TMEFF2: variants seen among roughly 807,000 people sequenced by gnomAD.
TMEFF2 encodes the protein tomoregulin-2.
TMEFF2 carries 28 observed loss-of-function variants against 53.8 expected under a neutral mutation model. That is an observed-to-expected ratio of 0.52 (90% CI 0.39 to 0.71). The LOEUF is 0.71. Ranked by LOEUF, TMEFF2 falls within the 30% of genes least tolerant of loss-of-function variation. The pLI is 0.00. For missense variants in TMEFF2, 353 were observed against 455.2 expected (o/e 0.78, Z 2.04); for synonymous variants, 162 against 166.3 (o/e 0.97, Z 0.20).
chr2:192,003,891 G>C (rs1031791398), intron 5 of TMEFF2, among the ~76,000 whole-genome samples: 62 of 141,178 alleles, frequency 4.4e-4, no homozygotes, highest in African/African-American at 1.6e-3. Context: ...AGGTGGTTTT[G>C]TGTGTTTATA....
intron 2 of TMEFF2, among the ~76,000 whole-genome samples, chr2:192,187,462 C>A (rs1691342769): frequency 6.6e-6 from 1 of 152,148 alleles, no homozygotes; most frequent in Non-Finnish European, 1.5e-5. Flanking sequence ...CAGGCTAACC[C>A]TAAGCATGAA....
At chr2:191,974,493 T>C (rs1327088751) in intron 7 of TMEFF2, among the ~76,000 whole-genome samples, 2 of 152,088 alleles carry the variant, frequency 1.3e-5, no homozygotes, top group Admixed American at 6.6e-5. Flanking sequence ...TAAAAGCAAT[T>C]CACATTGATT....
chr2:191,997,618 C>T (rs1686254188), intron 7 of TMEFF2, among the ~76,000 whole-genome samples: 1 of 150,882 alleles, frequency 6.6e-6, no homozygotes. Flanking sequence ...AGTTGTATAC[C>T]CATGAATTAT....
At chr2:192,096,875 C>T (rs62180368) in intron 4 of TMEFF2, among the ~76,000 whole-genome samples, 9,785 of 151,706 alleles carry the variant, frequency 0.064, 801 homozygotes, top group East Asian at 0.4. Flanking sequence ...GGGGTTTCAC[C>T]ATGTTGGCCA....
intron 4 of TMEFF2, among the ~76,000 whole-genome samples, chr2:192,069,988 GTATATATATA>G (rs55800219): frequency 0.023 from 2,603 of 114,156 alleles, 35 homozygotes; most frequent in Non-Finnish European, 0.036. Context: ...GTGTGTGTGT[GTATATATATA>G]TATATATATA....
In TMEFF2 at chr2:192,194,283, G is replaced by A; in HGVS notation, c.172+70C>T. 6.4e-7 allele frequency: 1 copy of A among 1,571,352 alleles called. No homozygotes were observed. The highest frequency in any genetic ancestry group is 8.7e-7 in the Non-Finnish European group (1 of 1,150,284). ...GGGCTGAGGAGGCGCGCTAGGGTAG[G>A]CTGGTCTGTGCTGGATACGCGTGTT... is the stretch of plus-strand genomic sequence containing the variant. On this transcript the variant is annotated intron_variant, in intron 1 of 9. Transcript: ENST00000272771. The surrounding 1 kb of genome is among the most constrained non-coding windows in gnomAD (Gnocchi z 4.2).
At chr2:191,963,486 TG>T (rs1692329245) in intron 7 of TMEFF2, among the ~76,000 whole-genome samples, 1 of 152,188 alleles carries the variant, frequency 6.6e-6, no homozygotes. Flanking sequence ...GTAGGCTGCG[TG>T]TGCAGAAATG....
At chr2:192,149,540 C>A (rs976532983) in intron 4 of TMEFF2, among the ~76,000 whole-genome samples, 1 of 151,898 alleles carries the variant, frequency 6.6e-6, no homozygotes, top group Non-Finnish European at 1.5e-5. Flanking sequence ...GAGCTTTGAA[C>A]TCAGAACATG....
chr2:191,982,762 T>C (rs1304891702), intron 7 of TMEFF2, among the ~76,000 whole-genome samples: 1 of 152,188 alleles, frequency 6.6e-6, no homozygotes, highest in African/African-American at 2.4e-5. Context: ...AATATAATAT[T>C]ACTAGGCATT....
At position 192,057,073 on chromosome 2, in the gene TMEFF2, T is replaced by G. The variant is rs186982693; in HGVS notation, c.536+606A>C. Among the ~76,000 whole-genome samples, 222 of 152,326 alleles carry G rather than the reference T, an allele frequency of 1.5e-3. 2 individuals carry two copies. Among genetic ancestry groups the G allele is most frequent in the Admixed American group, 7.3e-3 (112 of 15,302 alleles). ...CTTTTAAAAATCTTGAGATAAAGTC[T>G]CACTCTGTGGCCCAGGCTGGAATGC... On this transcript the variant is annotated intron_variant, in intron 5 of 9. Transcript: ENST00000272771.
chr2:191,963,579 G>A (rs1285354285), intron 7 of TMEFF2, among the ~76,000 whole-genome samples: 1 of 152,182 alleles, frequency 6.6e-6, no homozygotes, highest in African/African-American at 2.4e-5. Context: ...AGAGTGAAGA[G>A]GATTGAGGCT....
intron 2 of TMEFF2, among the ~76,000 whole-genome samples, chr2:192,186,706 A>G (rs190429078): frequency 2.0e-5 from 3 of 152,106 alleles, no homozygotes; most frequent in Admixed American, 2.0e-4. Context: ...TTCAATCTCC[A>G]TCTCCATCCC....
intron 4 of TMEFF2, among the ~76,000 whole-genome samples, chr2:192,134,866 T>A (rs1417879290): frequency 6.6e-6 from 1 of 152,170 alleles, no homozygotes; most frequent in Non-Finnish European, 1.5e-5. Context: ...AGCCAAGCAT[T>A]TTTTCAGGCT....
chr2:192,014,880 G>C (rs1170363728), intron 5 of TMEFF2, among the ~76,000 whole-genome samples: 1 of 152,132 alleles, frequency 6.6e-6, no homozygotes, highest in Non-Finnish European at 1.5e-5. Flanking sequence ...TACAACAGAA[G>C]GATGTTAAAT....
chr2:192,085,592 C>T (rs1385610270), intron 4 of TMEFF2, among the ~76,000 whole-genome samples: 2 of 151,918 alleles, frequency 1.3e-5, no homozygotes, highest in Admixed American at 1.3e-4. Flanking sequence ...TGCTTGGTTC[C>T]ATCTCGCTAT....
intron 4 of TMEFF2, among the ~76,000 whole-genome samples, chr2:192,097,232 G>A (rs1284919474): frequency 6.6e-6 from 1 of 152,180 alleles, no homozygotes; most frequent in African/African-American, 2.4e-5. Flanking sequence ...TTACTACATT[G>A]TGCACAGCAC....
intron 5 of TMEFF2, among the ~76,000 whole-genome samples, chr2:192,025,638 T>TA (rs61290549): frequency 0.07 from 10,669 of 152,260 alleles, 575 homozygotes; most frequent in African/African-American, 0.14. Flanking sequence ...GCCATAATAA[T>TA]AAAAAACTCT....
intron 2 of TMEFF2, 47 bp from the exon 3 acceptor site, chr2:192,184,530 A>T: frequency 6.2e-7 from 1 of 1,607,594 alleles, no homozygotes; most frequent in Non-Finnish European, 8.5e-7. Context: ...TGGAGATTGT[A>T]TCCCTCTGAC....
At chr2:192,101,659 T>C (rs983779907) in intron 4 of TMEFF2, among the ~76,000 whole-genome samples, 3 of 152,184 alleles carry the variant, frequency 2.0e-5, no homozygotes, top group African/African-American at 7.2e-5. Flanking sequence ...AGGAACCCTG[T>C]GTTCTGATTC....
Sources: gnomAD v4.1 joint callset for allele counts (sites outside exome capture counted in the v4.1 genomes callset) on GRCh38, gnomAD v4.1.1 for gene constraint, Gnocchi (gnomAD v3.1) non-coding constraint, MANE v1.5 for transcripts, NCBI Gene and HGNC (gene_info 2026-07-23, HGNC 2026-07-21) for gene names.